Variants in POU6F2 observed in about 807,000 individuals in gnomAD.
POU6F2 encodes POU domain, class 6, transcription factor 2.
Under a neutral mutation model 71.3 loss-of-function variants are expected in POU6F2, and 31 were observed. The ratio of observed to expected loss-of-function variants is 0.43; its 90% CI spans 0.33 to 0.59. The LOEUF (loss-of-function observed/expected upper bound fraction) is 0.59, where lower values mean the gene tolerates loss of function less well. Ranked by LOEUF, POU6F2 falls within the 20% of genes least tolerant of loss-of-function variation. The probability of loss-of-function intolerance (pLI) is 0.04; values close to 1 mark genes in which losing one functional copy is unlikely to be tolerated. For missense variants in POU6F2, 783 were observed against 856.8 expected, an observed-to-expected ratio of 0.91 and a Z score of 1.07; for synonymous variants, 347 against 355.7, an observed-to-expected ratio of 0.98 and a Z score of 0.27.
chr7:39,083,482 G>C (rs1006035862), intron 1 of POU6F2: 13 of 152,080 alleles, frequency 8.5e-5, no homozygotes, highest in African/African-American at 2.7e-4. Flanking sequence ...CAACCAATGA[G>C]CGTTGTTCCC....
chr7:39,363,924 C>CT (rs910572975), intron 5 of POU6F2, among the ~76,000 whole-genome samples: 6 of 150,772 alleles, frequency 4.0e-5, no homozygotes, highest in African/African-American at 1.5e-4. Context: ...ATAGACAATT[C>CT]TTTTCTGGCA....
At chr7:39,107,952 CT>C (rs1169432695) in intron 2 of POU6F2, among the ~76,000 whole-genome samples, 2 of 152,174 alleles carry the variant, frequency 1.3e-5, no homozygotes, top group African/African-American at 4.8e-5. Context: ...CAAGAAAAGC[CT>C]TTGATAGAGT....
At chr7:39,400,437 C>T (rs1787273329) in intron 5 of POU6F2, among the ~76,000 whole-genome samples, 1 of 152,204 alleles carries the variant, frequency 6.6e-6, no homozygotes, top group Admixed American at 6.5e-5. Context: ...GGCTTTCTTC[C>T]AAGGACTCCC....
At chr7:39,393,401 C>T (rs1249580291) in intron 5 of POU6F2, among the ~76,000 whole-genome samples, 6 of 152,258 alleles carry the variant, frequency 3.9e-5, no homozygotes, top group East Asian at 1.9e-4. Context: ...AGCTGCTTTT[C>T]GAATCATCTG....
intron 5 of POU6F2, among the ~76,000 whole-genome samples, chr7:39,373,319 A>G (rs936332172): frequency 6.6e-6 from 1 of 152,206 alleles, no homozygotes; most frequent in African/African-American, 2.4e-5. Context: ...AGCGGTTTCC[A>G]CAGATTGTAA....
chr7:39,296,670 C>T (rs551555890), intron 4 of POU6F2, among the ~76,000 whole-genome samples: 2 of 152,332 alleles, frequency 1.3e-5, no homozygotes, highest in Admixed American at 1.3e-4. Flanking sequence ...GGCACCAACT[C>T]ATCCTCAGGG....
At position 39,082,215 on chromosome 7, in the gene POU6F2, T is replaced by G. The variant is rs1240452783; in HGVS notation, c.106-3645T>G. ...TTTTGCTAATAGAAACTACTTCTGC[T>G]TCTCCTTTTTCCACCGTCTGGTTCT... is the stretch of plus-strand genomic sequence containing the variant. On this transcript the variant is annotated intron_variant, in intron 1 of 9. Coordinates refer to ENST00000518318, the MANE Select transcript of POU6F2 (RefSeq NM_001370959.1). Among the ~76,000 whole-genome samples the G allele has an allele frequency of 7.9e-5, 12 of 152,362 alleles. No individual in the cohort carries two copies. In the East Asian group the frequency reaches 2.1e-3, roughly 27 times the overall value.
chr7:39,323,032 G>A (rs1023461232), intron 4 of POU6F2, among the ~76,000 whole-genome samples: 1 of 151,678 alleles, frequency 6.6e-6, no homozygotes, highest in African/African-American at 2.4e-5. Flanking sequence ...TCAAATTACA[G>A]CTCCCTACAA....
intron 2 of POU6F2, among the ~76,000 whole-genome samples, chr7:39,192,193 G>T (rs1793683482): frequency 6.6e-6 from 1 of 152,146 alleles, no homozygotes; most frequent in African/African-American, 2.4e-5. Flanking sequence ...AATTCCTCTG[G>T]GGGTAGGTAT....
chr7:39,082,794 G>GCA (rs35710081), intron 1 of POU6F2, among the ~76,000 whole-genome samples: 41,620 of 136,820 alleles, frequency 0.3, 6,132 homozygotes, highest in Non-Finnish European at 0.34. Context: ...ACCATGTCAT[G>GCA]CACACACACA....
At chr7:39,140,762 C>T (rs571459163) in intron 2 of POU6F2, among the ~76,000 whole-genome samples, 9 of 152,204 alleles carry the variant, frequency 5.9e-5, no homozygotes, top group African/African-American at 1.7e-4. Flanking sequence ...CTCTGTGGGG[C>T]GCTATTCTGC....
At chr7:39,324,344 G>A (rs190721697) in intron 4 of POU6F2, among the ~76,000 whole-genome samples, 15 of 152,318 alleles carry the variant, frequency 9.8e-5, no homozygotes, top group Admixed American at 2.0e-4. Flanking sequence ...GTGGTGCCAC[G>A]TGACCAGTGC....
intron 1 of POU6F2, among the ~76,000 whole-genome samples, chr7:38,978,783 GA>G (rs1044724254): frequency 6.6e-6 from 1 of 152,166 alleles, no homozygotes; most frequent in African/African-American, 2.4e-5. Flanking sequence ...AATGCCAGAA[GA>G]ATATCTCTCA....
intron 1 of POU6F2, among the ~76,000 whole-genome samples, chr7:39,036,292 G>A (rs1022181892): frequency 1.3e-5 from 2 of 151,992 alleles, no homozygotes; most frequent in African/African-American, 4.8e-5. Flanking sequence ...TTATTTAATT[G>A]TAACAGTCCC....
chr7:38,982,622 T>C (rs1788352197), intron 1 of POU6F2, among the ~76,000 whole-genome samples: 1 of 152,098 alleles, frequency 6.6e-6, no homozygotes, highest in Non-Finnish European at 1.5e-5. Context: ...GTCAATTTTG[T>C]CCATTTAAGT....
chr7:39,326,408 G>A (rs1441972724), intron 4 of POU6F2, among the ~76,000 whole-genome samples: 4 of 152,182 alleles, frequency 2.6e-5, no homozygotes, highest in Admixed American at 6.5e-5. Context: ...TTGTGTGAAG[G>A]CAAGATTCTC....
At chr7:39,193,054 G>A (rs952799484) in intron 2 of POU6F2, among the ~76,000 whole-genome samples, 3 of 152,082 alleles carry the variant, frequency 2.0e-5, no homozygotes, top group Non-Finnish European at 2.9e-5. Flanking sequence ...CTGATTTGGC[G>A]GGTCTGAGGC....
chr7:39,174,305 A>G (rs1340913859), intron 2 of POU6F2, among the ~76,000 whole-genome samples: 1 of 152,080 alleles, frequency 6.6e-6, no homozygotes, highest in East Asian at 1.9e-4. Context: ...CACACCTGGA[A>G]CCTTTTGTTG....
chr7:39,311,958 A>G (rs925873608), intron 4 of POU6F2, among the ~76,000 whole-genome samples: 1 of 152,266 alleles, frequency 6.6e-6, no homozygotes, highest in Admixed American at 6.5e-5. Flanking sequence ...ATGAACCAGA[A>G]TAACATGATT....
Sources: gnomAD v4.1 joint callset for allele counts (sites outside exome capture counted in the v4.1 genomes callset) on GRCh38, gnomAD v4.1.1 for gene constraint, MANE v1.5 for transcripts, NCBI Gene and HGNC (gene_info 2026-07-23, HGNC 2026-07-21) for gene names.